Variants in DYSF observed in about 807,000 individuals in gnomAD.
DYSF encodes dystrophy-associated fer-1-like 1.
Under a neutral mutation model 274.9 loss-of-function variants are expected in DYSF, and 212 were observed. The ratio of observed to expected loss-of-function variants is 0.77; its 90% confidence interval spans 0.69 to 0.86. DYSF has a LOEUF of 0.86. Among genes scored for constraint, DYSF ranks in the 40% least tolerant of loss-of-function variants. DYSF has a pLI of 0.00. For missense variants in DYSF, 2,666 were observed against 2,783.2 expected (o/e 0.96, Z 0.95); for synonymous variants, 1,091 against 1,078.7 (o/e 1.01, Z -0.22).
chr2:71,502,828 T>C (rs1056979327), intron 3 of DYSF, among the ~76,000 whole-genome samples: 1 of 152,078 alleles, frequency 6.6e-6, no homozygotes, highest in African/African-American at 2.4e-5. Flanking sequence ...GGTCATATGA[T>C]CTGCTGGGGC....
At position 71,665,372 on chromosome 2, in the gene DYSF, T is replaced by G. The variant is rs983274567; in HGVS notation, c.5317+68T>G. 12 of 1,605,730 alleles carry G rather than the reference T, an allele frequency of 7.5e-6. No individual in the cohort carries two copies. The East Asian group carries it at 1.8e-4, about 24-fold the overall frequency. ...TATCCCTCCCTCTCTCATCAGACCC[T>G]CTGCTACCATAAAAGACCCAAGCGG... On this transcript the variant is annotated intron_variant, in intron 47 of 55. Coordinates refer to ENST00000410020, the MANE Select transcript of DYSF (RefSeq NM_001130987.2).
intron 42 of DYSF, among the ~76,000 whole-genome samples, chr2:71,655,402 TGGAA>T (rs1216899244): frequency 5.3e-5 from 8 of 152,224 alleles, no homozygotes; most frequent in Non-Finnish European, 1.0e-4. Flanking sequence ...AAATAATATT[TGGAA>T]AGATGATTTC....
chr2:71,502,197 G>T (rs1234690482), intron 3 of DYSF, among the ~76,000 whole-genome samples: 2 of 151,692 alleles, frequency 1.3e-5, no homozygotes, highest in Non-Finnish European at 2.9e-5. Context: ...ACCTCGTTAG[G>T]TCGAGGTTGC....
Position 71,602,788 on chromosome 2 carries a change from T to A in DYSF, c.3940T>A (p.Ser1314Thr). 1 of 1,613,346 alleles carries A rather than the reference T, an allele frequency of 6.2e-7. No individual in the cohort carries two copies. The highest frequency in any genetic ancestry group is 8.5e-7 in the Non-Finnish European group (1 of 1,179,886). ...GGCTGTGGGCCAGGTGCAGGAGACA[T>A]CAAGGATCCTGGATGAGGTGAGCTG... is the stretch of plus-strand genomic sequence containing the variant. ...HIPGFEVQET[S>T]RILDESEDTD... Residue 1314 changes from serine (S) to threonine (T), a missense_variant, in exon 36 of 56, where the codon TCA becomes ACA. Around this residue, in one of 3 missense-constraint regions of DYSF, gnomAD observed 1,460 missense variants for 1,502.1 expected, o/e 0.97. Transcript: ENST00000410020.
At chr2:71,581,213 C>T (rs963607274) in intron 30 of DYSF, among the ~76,000 whole-genome samples, 8 of 152,228 alleles carry the variant, frequency 5.3e-5, no homozygotes, top group Non-Finnish European at 1.0e-4. Flanking sequence ...AGCACACACG[C>T]ATACACGCTC....
At chr2:71,482,032 C>G in intron 3 of DYSF, 62 bp downstream of exon 3, 2 of 1,371,424 alleles carry the variant, frequency 1.5e-6, no homozygotes, top group African/African-American at 2.8e-5. Context: ...GTGGAGTATA[C>G]AGACTGCAGA....
chr2:71,488,686 G>A (rs4852789), intron 3 of DYSF, among the ~76,000 whole-genome samples: 119,717 of 152,066 alleles, frequency 0.79, 47,353 homozygotes, highest in African/African-American at 0.85. Context: ...TTAATCAAGT[G>A]TTATAGGAGG....
chr2:71,582,599 G>T (rs1002250378), intron 30 of DYSF, among the ~76,000 whole-genome samples: 12 of 152,180 alleles, frequency 7.9e-5, no homozygotes, highest in African/African-American at 2.9e-4. Context: ...AGTGAAGATG[G>T]TGAAGACCTG....
Position 71,589,684 on chromosome 2 carries a change from A to G in DYSF, c.3494A>G (p.Asp1165Gly), listed in dbSNP as rs1257196662. Residue 1165 changes from aspartate to glycine, a missense_variant and splice_region_variant, in exon 31 of 56, where the codon GAC (aspartate) becomes GGC (glycine). By Grantham distance (94) the Asp-to-Gly change is moderately conservative. Transcript: ENST00000410020. The part of the protein sequence containing the change: ...VNRPTISCIF[D>G]YGNRYHLRCY... ...AGACCCACGATTTCCTGCATATTCGACTGTAAGTGAGGCTTCGAGGCCTCT... is the reference window on the plus strand; with the variant it reads ...AGACCCACGATTTCCTGCATATTCGGCTGTAAGTGAGGCTTCGAGGCCTCT... The G allele has an allele frequency of 1.2e-6, 2 of 1,613,904 alleles. No homozygotes were observed. The highest frequency in any genetic ancestry group is 1.7e-6 in the Non-Finnish European group (2 of 1,179,870).
chr2:71,568,100 C>A lies in DYSF; in HGVS notation c.2697+18C>A. 1 of 1,614,190 alleles carries A rather than the reference C, an allele frequency of 6.2e-7. No homozygotes were observed. Among genetic ancestry groups the A allele is most frequent in the Admixed American group, 1.7e-5 (1 of 60,028 alleles). On this transcript the variant is annotated intron_variant, in intron 25 of 55. Coordinates refer to ENST00000410020, the MANE Select transcript of DYSF (RefSeq NM_001130987.2). ...CTGAAACCGTGAGTACCTGCCAGCC[C>A]CCACCTCTGCCTCCCACTACCTGGA...
At chr2:71,463,501 C>T (rs1395906753), upstream of DYSF, among the ~76,000 whole-genome samples, 3 of 152,208 alleles carry the variant, frequency 2.0e-5, no homozygotes, top group African/African-American at 7.2e-5. Flanking sequence ...TCCCAGCCCC[C>T]ACCGGCTCTG....
chr2:71,549,366 T>C, intron 17 of DYSF: 1 of 1,612,848 alleles, frequency 6.2e-7, no homozygotes, highest in Admixed American at 1.7e-5. Context: ...CTGCAGGTGC[T>C]GTCAAGCCTT....
intron 1 of DYSF, among the ~76,000 whole-genome samples, chr2:71,459,482 G>T (rs2081198516): frequency 6.6e-6 from 1 of 152,148 alleles, no homozygotes; most frequent in Non-Finnish European, 1.5e-5. Flanking sequence ...TGTGCATACT[G>T]GGAGTGAGCT....
At chr2:71,480,637 A>G (rs1022843827) in intron 1 of DYSF, among the ~76,000 whole-genome samples, 6 of 152,206 alleles carry the variant, frequency 3.9e-5, no homozygotes, top group Non-Finnish European at 8.8e-5. Flanking sequence ...AAACTCATTA[A>G]GGAGAGTCAG....
chr2:71,667,884 C>G (rs2095045643), intron 48 of DYSF, among the ~76,000 whole-genome samples: 1 of 152,200 alleles, frequency 6.6e-6, no homozygotes, highest in Non-Finnish European at 1.5e-5. Context: ...ATGCCCGGCC[C>G]TGTGCTGGGT....
chr2:71,516,707 T>C (rs1337730538), intron 9 of DYSF, among the ~76,000 whole-genome samples: 2 of 152,210 alleles, frequency 1.3e-5, no homozygotes, highest in Non-Finnish European at 2.9e-5. Context: ...TGGCTCTAAG[T>C]GTAGGCTCCG....
chr2:71,644,182 T>A, intron 42 of DYSF, 119 bp downstream of exon 42: 1 of 905,312 alleles, frequency 1.1e-6, no homozygotes, highest in Non-Finnish European at 1.8e-6. Flanking sequence ...ATTCGGTGTC[T>A]GAGGGTGATG....
At chr2:71,513,682 G>A (rs368535150) in intron 6 of DYSF, 34 bp from the exon 7 acceptor site, 6 of 1,607,302 alleles carry the variant, frequency 3.7e-6, no homozygotes, top group Non-Finnish European at 5.1e-6. Context: ...AGGGCCAGAG[G>A]GATCCAGGCC....
chr2:71,531,048 T>A (rs374447357), intron 14 of DYSF, among the ~76,000 whole-genome samples: 1 of 152,002 alleles, frequency 6.6e-6, no homozygotes, highest in Non-Finnish European at 1.5e-5. Context: ...CCTGCCCTAC[T>A]TGTAGGGCAG....
Sources: allele counts gnomAD v4.1 joint callset (sites outside exome capture counted in the v4.1 genomes callset), GRCh38; gene constraint gnomAD v4.1.1; regional missense constraint gnomAD v4.1.1; transcripts MANE v1.5; gene names NCBI Gene and HGNC (gene_info 2026-07-23, HGNC 2026-07-21).